The following TNN variants were observed in gnomAD, a reference collection of about 807,000 sequenced individuals.
TNN encodes tenascin N, also known as tenascin-N.
A neutral mutation model predicts 134.4 loss-of-function variants in TNN; 122 were observed. The observed-to-expected ratio is 0.91, with a 90% CI of 0.78 to 1.06. The LOEUF (loss-of-function observed/expected upper bound fraction) is 1.06. TNN is among the 50% of genes least tolerant of loss of function. TNN has a pLI of 0.00. For missense variants in TNN, 1,739 were observed against 1,699.4 expected (o/e 1.02, Z -0.41); for synonymous variants, 710 against 670.3 (o/e 1.06, Z -0.91).
chr1:175,107,474 G>T lies in TNN; in HGVS notation c.2119+8879G>T, dbSNP rs145503088. Among the ~76,000 whole-genome samples, 3 of 144,236 alleles carry T rather than the reference G, an allele frequency of 2.1e-5. 1 individual carries two copies. Among genetic ancestry groups the T allele is most frequent in the Non-Finnish European group, 4.6e-5 (3 of 65,190 alleles). 94.6% of individuals were successfully genotyped at this position (144,236 alleles called of 152,430 possible). A position where few individuals can be genotyped will look rare whatever the true frequency, so the allele number is the denominator to read the frequency against. ...TAAGGCAGCACGTCTGGAGTTGTTC[G>T]TTCCTCCCAGTGGGCTCATGGTCTT... On this transcript the variant is annotated intron_variant, in intron 9 of 18. Coordinates refer to ENST00000239462, the MANE Select transcript of TNN (RefSeq NM_022093.2).
rs190734882 is a variant in TNN, at chr1:175,077,620, G to A, written c.202G>A (p.Asp68Asn). ...VDADPQPLSDDGASLLALGEA... is the reference protein window; with the variant it reads ...VDADPQPLSDNGASLLALGEA... ...CGCTGACCCTCAGCCCCTCAGTGAC[G>A]ATGGGGCTTCGCTCTTGGCCCTGGG... The change falls in exon 2 of 19, where the codon GAT (aspartate) becomes AAT (asparagine). Residue 68 changes from aspartate (D) to asparagine (N), a missense_variant. Asp to Asn is a conservative substitution (Grantham distance 23). Coordinates refer to ENST00000239462, the MANE Select transcript of TNN (RefSeq NM_022093.2). 367 of 1,614,204 alleles carry A rather than the reference G, an allele frequency of 2.3e-4. No homozygotes were observed. Among genetic ancestry groups the A allele is most frequent in the Non-Finnish European group, 2.7e-4 (323 of 1,180,026 alleles).
Position 175,117,151 on chromosome 1 carries a change from T to G in TNN, c.2332T>G (p.Trp778Gly), listed in dbSNP as rs1402967400. ...GGGTGTGGAGTACACGGTGCACGTG[T>G]GGGCCCAGAAGGGGGCCCAGGAGAG... is the stretch of plus-strand genomic sequence containing the variant. Reference protein sequence around the residue: ...RPGVEYTVHVWAQKGAQESKK... With the variant: ...RPGVEYTVHVGAQKGAQESKK... The change falls in exon 10 of 19, where the codon TGG becomes GGG. Residue 778 changes from tryptophan (W) to glycine (G), a missense_variant. Trp to Gly is a radical substitution (Grantham distance 184). Transcript: ENST00000239462. 7 of 1,614,122 alleles carry G rather than the reference T, an allele frequency of 4.3e-6. No homozygotes were observed. In the Middle Eastern group the frequency reaches 4.9e-4, roughly 114 times the overall value.
At chr1:175,111,359 C>T (rs757381509) in intron 9 of TNN, among the ~76,000 whole-genome samples, 27 of 150,186 alleles carry the variant, frequency 1.8e-4, no homozygotes, top group South Asian at 6.3e-4. Flanking sequence ...TGATGGTGCA[C>T]GCCTGTAATC....
In TNN at chr1:175,103,758, T is replaced by C. The variant is rs867715784; in HGVS notation, c.2119+5163T>C. 1.0e-4 allele frequency among the ~76,000 whole-genome samples: 15 copies of C among 145,068 alleles called. 1 individual carries two copies. The highest frequency in any genetic ancestry group is 2.3e-4 in the South Asian group (1 of 4,302). ...CTCTTCCTCTCTCTGTCTCTTTCTCTGACTTTCTCTTTCTCTCTTTTCTTC... is the reference window on the plus strand; with the variant it reads ...CTCTTCCTCTCTCTGTCTCTTTCTCCGACTTTCTCTTTCTCTCTTTTCTTC... On this transcript the variant is annotated intron_variant, in intron 9 of 18. Coordinates refer to ENST00000239462, the MANE Select transcript of TNN (RefSeq NM_022093.2).
intron 9 of TNN, among the ~76,000 whole-genome samples, chr1:175,104,096 T>C (rs1674795055): frequency 6.9e-6 from 1 of 145,828 alleles, no homozygotes; most frequent in Non-Finnish European, 1.5e-5. Flanking sequence ...AAGAAAGCCA[T>C]GTGAAAAGAG....
chr1:175,105,550 A>T (rs1232159454), intron 9 of TNN, among the ~76,000 whole-genome samples: 2 of 145,620 alleles, frequency 1.4e-5, no homozygotes, highest in Non-Finnish European at 3.0e-5. Flanking sequence ...ATGAAAAGAA[A>T]GCTTGGACAT....
At chr1:175,076,158 A>G (rs189969011) in intron 1 of TNN, among the ~76,000 whole-genome samples, 2 of 151,998 alleles carry the variant, frequency 1.3e-5, no homozygotes, top group East Asian at 1.9e-4. Context: ...GCCGTCCTAG[A>G]TGGGGGTTGG....
At chr1:175,069,496 T>C (rs541474584) in intron 1 of TNN, among the ~76,000 whole-genome samples, 1 of 152,340 alleles carries the variant, frequency 6.6e-6, no homozygotes, top group South Asian at 2.1e-4. Context: ...TCCAGTCCAG[T>C]GCTGCTCTGT....
At chr1:175,126,616 A>T (rs1453720063) in intron 12 of TNN, among the ~76,000 whole-genome samples, 1 of 151,868 alleles carries the variant, frequency 6.6e-6, no homozygotes, top group Non-Finnish European at 1.5e-5. Flanking sequence ...ATCTTTCCAC[A>T]TCCTTTTGGG....
At chr1:175,084,062 A>G in intron 5 of TNN, 127 bp downstream of exon 5, 1 of 953,912 alleles carries the variant, frequency 1.0e-6, no homozygotes, top group Non-Finnish European at 1.5e-6. Flanking sequence ...TAGGAATCAC[A>G]CTTGAATCTG....
chr1:175,067,984 G>A (rs768034568), intron 1 of TNN, 49 bp downstream of exon 1: 2 of 457,720 alleles, frequency 4.4e-6, no homozygotes, highest in Non-Finnish European at 8.8e-6. Flanking sequence ...GAGGGAGGTG[G>A]CCAATGCAGA....
intron 9 of TNN, among the ~76,000 whole-genome samples, chr1:175,104,140 G>A (rs1223435090): frequency 6.8e-6 from 1 of 146,278 alleles, no homozygotes; most frequent in Non-Finnish European, 1.5e-5. Flanking sequence ...GGAGGTGGGA[G>A]AAATACCTGA....
intron 13 of TNN, among the ~76,000 whole-genome samples, chr1:175,127,447 A>G (rs1675559931): frequency 6.6e-6 from 1 of 152,228 alleles, no homozygotes. Context: ...ATGGAAAATT[A>G]TTATTCTCCC....
In TNN at chr1:175,147,218, C is replaced by T. The variant is rs1338008959; in HGVS notation, c.*147C>T. 1 of 795,022 alleles carries T rather than the reference C, an allele frequency of 1.3e-6. No homozygotes were observed. Among genetic ancestry groups the T allele is most frequent in the Non-Finnish European group, 1.8e-6 (1 of 560,292 alleles). 49.2% of individuals were successfully genotyped at this position (795,022 alleles called of 1,614,324 possible). A position where few individuals can be genotyped will look rare whatever the true frequency, so the allele number is the denominator to read the frequency against. The stretch of plus-strand genomic sequence containing the variant: ...AGCTTCAAGCCATGGAGGTTCCTTC[C>T]CTCTCACCTGCATTTTTGCCCGTCT... On this transcript the variant is annotated 3_prime_UTR_variant, in exon 19 of 19. Transcript: ENST00000239462.
Position 175,077,739 on chromosome 1 carries a change from C to T in TNN, c.321C>T (p.Asp107=). 1 of 1,614,202 alleles carries T rather than the reference C, an allele frequency of 6.2e-7. No homozygotes were observed. The highest frequency in any genetic ancestry group is 8.5e-7 in the Non-Finnish European group (1 of 1,180,022). The change falls in exon 2 of 19, where the codon GAC becomes GAT. Residue 107 remains aspartate (D), a synonymous_variant. Transcript: ENST00000239462. ...KDCELAGSVQ[D]LLARVKKLEE... ...GCGAGTTGGCAGGCAGTGTCCAGGA[C>T]CTCCTGGCCCGGGTGAAGAAGCTGG...
chr1:175,113,065 G>T (rs1045522023), intron 9 of TNN, among the ~76,000 whole-genome samples: 2 of 152,058 alleles, frequency 1.3e-5, no homozygotes, highest in East Asian at 3.8e-4. Context: ...TTCTATTATT[G>T]TTTCTTATTG....
chr1:175,120,354 G>A (rs1675318443), intron 11 of TNN, among the ~76,000 whole-genome samples: 1 of 152,226 alleles, frequency 6.6e-6, no homozygotes. Context: ...ACAGGGTAAG[G>A]ATGTCTTGCA....
In TNN at chr1:175,083,740, C is replaced by T; in HGVS notation, c.1049-10C>T. On this transcript the variant is annotated splice_polypyrimidine_tract_variant and intron_variant, in intron 4 of 18. Transcript: ENST00000239462. ...ACCACTTTCTCTTGCCTCCGTCACC[C>T]CTGCCCTAGACCTTGCTGTGCTTGG... 1 of 1,612,704 alleles carries T rather than the reference C, an allele frequency of 6.2e-7. No individual in the cohort carries two copies. Among genetic ancestry groups the T allele is most frequent in the East Asian group, 2.2e-5 (1 of 44,880 alleles).
rs1262483807 is a variant in TNN at position 175,126,545 on chromosome 1, C to T, written c.2915-410C>T. 8.5e-5 allele frequency among the ~76,000 whole-genome samples: 13 copies of T among 152,302 alleles called. No individual in the cohort carries two copies. The East Asian group carries it at 2.5e-3, about 29-fold the overall frequency. On this transcript the variant is annotated intron_variant, in intron 12 of 18. Coordinates refer to ENST00000239462, the MANE Select transcript of TNN (RefSeq NM_022093.2). ...CCATCCAGCATTTCAGGCAACTTTC[C>T]AGGCGGGCCAAGTCACCCTGGTTTC...
Sources: gnomAD v4.1 joint callset for allele counts (sites outside exome capture counted in the v4.1 genomes callset) on GRCh38, gnomAD v4.1.1 for gene constraint, MANE v1.5 for transcripts, NCBI Gene and HGNC (gene_info 2026-07-23, HGNC 2026-07-21) for gene names.